The following NUTF2 variants were observed in gnomAD, a reference collection of about 807,000 sequenced individuals.
The protein encoded by NUTF2 is placental protein 15.
A neutral mutation model predicts 18.5 loss-of-function variants in NUTF2; 3 were observed. The ratio of observed to expected loss-of-function variants is 0.16; its 90% confidence interval spans 0.07 to 0.42. The LOEUF (loss-of-function observed/expected upper bound fraction) is 0.42, where lower values mean the gene tolerates loss of function less well. Among genes scored for constraint, NUTF2 ranks in the 10% least tolerant of loss-of-function variants. The probability of loss-of-function intolerance (pLI) is 0.99; values close to 1 mark genes in which losing one functional copy is unlikely to be tolerated. For synonymous variants in NUTF2, 51 were observed against 57.9 expected (o/e 0.88, Z 0.54); for missense variants, 44 against 160.7 (o/e 0.27, Z 3.93).
intron 1 of NUTF2, among the ~76,000 whole-genome samples, chr16:67,855,532 G>A (rs2057889379): frequency 6.6e-6 from 1 of 152,174 alleles, no homozygotes; most frequent in African/African-American, 2.4e-5. Flanking sequence ...GGTTTCTGGG[G>A]TACCTGGGAA....
At chr16:67,850,574 A>C (rs2057847050) in intron 1 of NUTF2, among the ~76,000 whole-genome samples, 1 of 152,126 alleles carries the variant, frequency 6.6e-6, no homozygotes, top group Admixed American at 6.5e-5. Context: ...AGAATTCGTT[A>C]AATGTTTCTG....
At chr16:67,861,194 A>G (rs1200692431) in intron 1 of NUTF2, among the ~76,000 whole-genome samples, 1 of 152,158 alleles carries the variant, frequency 6.6e-6, no homozygotes, top group Non-Finnish European at 1.5e-5. Flanking sequence ...GAGTTGGCTA[A>G]CCTCGCTGAA....
chr16:67,849,368 GTC>G (rs1303145564), intron 1 of NUTF2, among the ~76,000 whole-genome samples: 2 of 152,252 alleles, frequency 1.3e-5, no homozygotes, highest in African/African-American at 4.8e-5. Flanking sequence ...TCGAGACGGA[GTC>G]TCTCTCTGTC....
intron 1 of NUTF2, among the ~76,000 whole-genome samples, chr16:67,862,933 C>T (rs896831571): frequency 1.3e-5 from 2 of 152,208 alleles, no homozygotes; most frequent in African/African-American, 4.8e-5. Flanking sequence ...GGAGATGTGG[C>T]CCTTATCCAT....
Position 67,868,550 on chromosome 16 carries a change from A to G in NUTF2, c.221A>G (p.Gln74Arg). ...IQHSITAQDH[Q>R]PTPDSCIISM... ...CACAGCATCACCGCGCAGGACCATCAGCCCACTCCAGATAGCTGCATCATC... is the reference window on the plus strand; with the variant it reads ...CACAGCATCACCGCGCAGGACCATCGGCCCACTCCAGATAGCTGCATCATC... The change falls in exon 4 of 5, where the codon CAG (glutamine) becomes CGG (arginine). Residue 74 changes from glutamine to arginine, a missense_variant. Transcript: ENST00000219169. The G allele has an allele frequency of 6.2e-7, 1 of 1,614,086 alleles. No homozygotes were observed. The highest frequency in any genetic ancestry group is 8.5e-7 in the Non-Finnish European group (1 of 1,180,014).
chr16:67,855,897 GGA>G, intron 1 of NUTF2: 1 of 449,448 alleles, frequency 2.2e-6, no homozygotes, highest in Admixed American at 3.6e-5. Flanking sequence ...CGGGGGGGGG[GGA>G]TGGGGGAAAT....
intron 1 of NUTF2, among the ~76,000 whole-genome samples, chr16:67,859,974 T>TTG (rs1326166895): frequency 1.1e-4 from 17 of 150,914 alleles, no homozygotes; most frequent in African/African-American, 3.7e-4. Context: ...AGATATTTTA[T>TTG]TATTTTTTTT....
At chr16:67,860,259 G>GT (rs2057926688) in intron 1 of NUTF2, among the ~76,000 whole-genome samples, 1 of 152,198 alleles carries the variant, frequency 6.6e-6, no homozygotes, top group Admixed American at 6.5e-5. Flanking sequence ...AATTACAGGT[G>GT]TGAGCCATCA....
chr16:67,863,947 C>G (rs139078589), intron 1 of NUTF2, among the ~76,000 whole-genome samples: 6 of 152,122 alleles, frequency 3.9e-5, no homozygotes, highest in Non-Finnish European at 8.8e-5. Flanking sequence ...CTCAGAGACC[C>G]GAGAGAGACA....
intron 2 of NUTF2, among the ~76,000 whole-genome samples, chr16:67,866,306 GTTT>G (rs921901942): frequency 2.2e-5 from 3 of 134,028 alleles, no homozygotes; most frequent in African/African-American, 2.8e-5. Context: ...TCATAGTAGA[GTTT>G]TTTTTTTTTT....
At chr16:67,850,040 C>T (rs915200775) in intron 1 of NUTF2, among the ~76,000 whole-genome samples, 1 of 152,150 alleles carries the variant, frequency 6.6e-6, no homozygotes, top group Non-Finnish European at 1.5e-5. Context: ...GATACTCCCA[C>T]CTCAGCCTCC....
intron 1 of NUTF2, among the ~76,000 whole-genome samples, chr16:67,848,109 C>G (rs1277525082): frequency 1.3e-5 from 2 of 152,216 alleles, no homozygotes; most frequent in Non-Finnish European, 1.5e-5. Flanking sequence ...AGAGACCCTA[C>G]TGAGTTCTGG....
chr16:67,865,452 TG>T (rs1315127249), intron 2 of NUTF2, among the ~76,000 whole-genome samples: 1 of 152,210 alleles, frequency 6.6e-6, no homozygotes, highest in Non-Finnish European at 1.5e-5. Flanking sequence ...CCTGCTGTTC[TG>T]GGCTTGCCAT....
chr16:67,851,503 T>C (rs1339911320), intron 1 of NUTF2, among the ~76,000 whole-genome samples: 2 of 151,354 alleles, frequency 1.3e-5, no homozygotes, highest in South Asian at 2.1e-4. Flanking sequence ...GACCAGAATT[T>C]TGTTTTTTTT....
At chr16:67,849,167 A>G (rs2057832529) in intron 1 of NUTF2, among the ~76,000 whole-genome samples, 2 of 152,230 alleles carry the variant, frequency 1.3e-5, no homozygotes, top group African/African-American at 2.4e-5. Context: ...GAGCTGGGCA[A>G]TAAGGAGGGA....
chr16:67,856,035 G>T, intron 1 of NUTF2: 1 of 824,302 alleles, frequency 1.2e-6, no homozygotes, highest in Non-Finnish European at 2.1e-6. Context: ...TTGCTCAGGG[G>T]CCGGCACTCA....
intron 2 of NUTF2, 77 bp downstream of exon 2, chr16:67,865,306 A>C: frequency 9.8e-7 from 1 of 1,020,990 alleles, no homozygotes; most frequent in South Asian, 1.4e-5. Context: ...CCAGTTCACA[A>C]GTTCTGGCAG....
intron 1 of NUTF2, among the ~76,000 whole-genome samples, chr16:67,863,663 C>G (rs749256506): frequency 6.6e-6 from 1 of 152,202 alleles, no homozygotes; most frequent in African/African-American, 2.4e-5. Flanking sequence ...GCATCAGATC[C>G]CACCACTGCG....
In NUTF2 at chr16:67,855,218, A is replaced by G. The variant is rs115433860; in HGVS notation, c.-30+8233A>G. Among the ~76,000 whole-genome samples, 558 of 152,092 alleles carry G rather than the reference A, an allele frequency of 3.7e-3. 6 individuals are homozygous for G. Among genetic ancestry groups the G allele is most frequent in the African/African-American group, 0.012 (514 of 41,468 alleles). On this transcript the variant is annotated intron_variant, in intron 1 of 4. Coordinates refer to ENST00000219169, the MANE Select transcript of NUTF2 (RefSeq NM_005796.3). ...TCCTTGGAGTGACTTAGGTCATGTG[A>G]TATTATTCACCCTCTTTTTCCTCAC... is the stretch of plus-strand genomic sequence containing the variant.
Sources: gnomAD v4.1 joint callset for allele counts (sites outside exome capture counted in the v4.1 genomes callset) on GRCh38, gnomAD v4.1.1 for gene constraint, MANE v1.5 for transcripts, NCBI Gene and HGNC (gene_info 2026-07-23, HGNC 2026-07-21) for gene names.